RTL4: variants seen among roughly 807,000 people sequenced by gnomAD.
The protein encoded by RTL4 is retrotransposon Gag like 4, also known as retrotransposon Gag-like protein 4.
A neutral mutation model predicts 5.3 loss-of-function variants in RTL4; 4 were observed. The observed-to-expected ratio is 0.75, with a 90% CI of 0.37 to 1.72. The LOEUF is 1.72. Ranked by LOEUF, RTL4 falls within the 40% of genes most tolerant of loss-of-function variation. The pLI is 0.04. For missense variants in RTL4, 260 were observed against 227.1 expected (o/e 1.14, Z -0.93); for synonymous variants, 98 against 87.3 (o/e 1.12, Z -0.68).
the RTL4 span, among the ~76,000 whole-genome samples, chrX:112,274,280 T>C: frequency 9.0e-6 from 1 of 111,614 alleles, no homozygotes; most frequent in Non-Finnish European, 1.9e-5. Context: ...GTGAGATATA[T>C]TGAGTTCGAG....
chrX:112,325,626 C>T, the RTL4 span, among the ~76,000 whole-genome samples: 1 of 112,064 alleles, frequency 8.9e-6, no homozygotes, highest in African/African-American at 3.2e-5. Flanking sequence ...GGATCCCTTC[C>T]TTATGCCTTA....
the RTL4 span, among the ~76,000 whole-genome samples, chrX:112,301,707 AACACAC>A: frequency 9.0e-6 from 1 of 111,011 alleles, no homozygotes; most frequent in East Asian, 2.8e-4. Context: ...TCACACCAGT[AACACAC>A]ACACTTTGGG....
chrX:112,456,467 A>T lies in RTL4; in HGVS notation c.*806A>T, dbSNP rs181482334. 31 of 305,014 alleles carry T rather than the reference A, an allele frequency of 1.0e-4. 1 individual carries two copies. Among genetic ancestry groups the T allele is most frequent in the East Asian group, 3.8e-4 (8 of 20,859 alleles). 25.1% of individuals were successfully genotyped at this position (305,014 alleles called of 1,213,427 possible). ...TATTCCTCTCTTCTCCAACAACCCT[A>T]CTTGAGGTTCCAGCATGTCTTATAG... On this transcript the variant is annotated 3_prime_UTR_variant, in exon 1 of 1. Transcript: ENST00000340433.
the RTL4 span, among the ~76,000 whole-genome samples, chrX:112,087,783 T>C: frequency 9.0e-6 from 1 of 111,413 alleles, no homozygotes; most frequent in Non-Finnish European, 1.9e-5. Flanking sequence ...CAGTGTCGTT[T>C]AGTGGATTTA....
chrX:112,170,114 C>G, the RTL4 span, among the ~76,000 whole-genome samples: 1 of 111,823 alleles, frequency 8.9e-6, no homozygotes, highest in Non-Finnish European at 1.9e-5. Context: ...TTCCATTGGT[C>G]TTTGTGTCTG....
chrX:112,125,327 G>C, the RTL4 span, among the ~76,000 whole-genome samples: 3 of 111,420 alleles, frequency 2.7e-5, no homozygotes, highest in Non-Finnish European at 5.6e-5. Flanking sequence ...GTACTGTTCT[G>C]CTTCCGTTAT....
At chrX:112,172,175 A>T in the RTL4 span, among the ~76,000 whole-genome samples, 1 of 111,543 alleles carries the variant, frequency 9.0e-6, no homozygotes, top group Non-Finnish European at 1.9e-5. Flanking sequence ...AAATGCAAAA[A>T]TTAGCTGGGT....
At chrX:112,201,772 C>T in the RTL4 span, among the ~76,000 whole-genome samples, 1 of 111,382 alleles carries the variant, frequency 9.0e-6, no homozygotes, top group African/African-American at 3.3e-5. Context: ...ATTTTAAAAA[C>T]ATTTTATTTG....
chrX:112,291,405 CACACAT>C, the RTL4 span, among the ~76,000 whole-genome samples: 35 of 107,947 alleles, frequency 3.2e-4, no homozygotes, highest in Non-Finnish European at 5.0e-4. Flanking sequence ...CACACACACA[CACACAT>C]GCACACATTG....
At chrX:112,381,403 G>C in the RTL4 span, 58 of 1,206,611 alleles carry the variant, frequency 4.8e-5, no homozygotes, top group Middle Eastern at 2.3e-4. Context: ...TGACGGATCT[G>C]AACAAGCATA....
the RTL4 span, among the ~76,000 whole-genome samples, chrX:112,234,124 G>A: frequency 4.3e-4 from 48 of 110,800 alleles, 1 homozygote; most frequent in African/African-American, 8.9e-4. Context: ...CCCGGGAGGC[G>A]GAAGTTGCAG....
chrX:112,421,610 G>A, the RTL4 span, among the ~76,000 whole-genome samples: 3 of 111,912 alleles, frequency 2.7e-5, no homozygotes, highest in Admixed American at 1.9e-4. Context: ...GGACTTTGAC[G>A]TCTACAGGAA....
chrX:112,406,983 C>G, the RTL4 span, among the ~76,000 whole-genome samples: 1 of 109,959 alleles, frequency 9.1e-6, no homozygotes, highest in African/African-American at 3.3e-5. Context: ...CCCTGTGTCC[C>G]TGAATAATCA....
At chrX:112,222,030 A>G in the RTL4 span, among the ~76,000 whole-genome samples, 1 of 112,201 alleles carries the variant, frequency 8.9e-6, no homozygotes, top group East Asian at 2.8e-4. Flanking sequence ...CTTATACACA[A>G]TAAATATTCT....
the RTL4 span, among the ~76,000 whole-genome samples, chrX:112,104,489 G>A: frequency 7.7e-4 from 86 of 111,320 alleles, no homozygotes; most frequent in African/African-American, 2.7e-3. Flanking sequence ...TTTCATAATG[G>A]CTATACTAAT....
chrX:112,267,439 G>A, the RTL4 span, among the ~76,000 whole-genome samples: 2 of 111,424 alleles, frequency 1.8e-5, no homozygotes, highest in Non-Finnish European at 3.8e-5. Flanking sequence ...TATCTTACTG[G>A]TTGTTCCTTC....
At chrX:112,232,393 A>G in the RTL4 span, among the ~76,000 whole-genome samples, 4 of 112,518 alleles carry the variant, frequency 3.6e-5, no homozygotes, top group South Asian at 3.7e-4. Context: ...CAAGAAAACA[A>G]TATATATCAA....
chrX:112,284,718 C>G, the RTL4 span, among the ~76,000 whole-genome samples: 1 of 111,595 alleles, frequency 9.0e-6, no homozygotes, highest in South Asian at 3.8e-4. Context: ...AACTGGCAGC[C>G]AGGCCTCTAT....
At chrX:112,161,489 C>G in the RTL4 span, among the ~76,000 whole-genome samples, 5 of 111,789 alleles carry the variant, frequency 4.5e-5, no homozygotes, top group African/African-American at 6.5e-5. Flanking sequence ...ATGCAAATAT[C>G]TCTGTGACAG....
Sources: gnomAD v4.1 joint callset for allele counts (sites outside exome capture counted in the v4.1 genomes callset) on GRCh38, gnomAD v4.1.1 for gene constraint, MANE v1.5 for transcripts, NCBI Gene and HGNC (gene_info 2026-07-23, HGNC 2026-07-21) for gene names.